The following LRRK1 variants were observed in gnomAD, a reference collection of about 807,000 sequenced individuals.
The protein encoded by LRRK1 is leucine-rich repeat serine/threonine-protein kinase 1.
In LRRK1, 113 loss-of-function variants were observed where a neutral mutation model predicts 209.1. That is an observed-to-expected ratio of 0.54 (90% confidence interval 0.46 to 0.63). The LOEUF is 0.63. Ranked by LOEUF, LRRK1 falls within the 30% of genes least tolerant of loss-of-function variation. The pLI is 0.00. For missense variants in LRRK1, 2,284 were observed against 2,632.2 expected, an observed-to-expected ratio of 0.87 and a Z score of 2.89; for synonymous variants, 1,144 against 1,099.7, an observed-to-expected ratio of 1.04 and a Z score of -0.80.
At chr15:101,028,658 G>C (rs1157344168) in intron 19 of LRRK1, among the ~76,000 whole-genome samples, 1 of 152,252 alleles carries the variant, frequency 6.6e-6, no homozygotes, top group Non-Finnish European at 1.5e-5. Flanking sequence ...CTGATTTGGA[G>C]GTTGCAGATC....
intron 10 of LRRK1, among the ~76,000 whole-genome samples, chr15:101,012,751 C>T (rs552558425): frequency 2.0e-5 from 3 of 152,354 alleles, no homozygotes; most frequent in South Asian, 4.1e-4. Context: ...GCGGCGACCC[C>T]CACAAGGCAG....
chr15:101,059,399 G>GA (rs1380787615), intron 29 of LRRK1, among the ~76,000 whole-genome samples: 2 of 150,906 alleles, frequency 1.3e-5, no homozygotes, highest in Non-Finnish European at 3.0e-5. Flanking sequence ...CCCTGCCTCA[G>GA]AAAAAAAGAG....
At chr15:100,986,913 T>A (rs1055914589) in intron 4 of LRRK1, among the ~76,000 whole-genome samples, 3 of 152,212 alleles carry the variant, frequency 2.0e-5, no homozygotes, top group Admixed American at 2.0e-4. Context: ...TCTCCTACAT[T>A]TCCAAACCTC....
chr15:100,920,869 C>A (rs946592988), intron 1 of LRRK1, among the ~76,000 whole-genome samples: 2 of 152,152 alleles, frequency 1.3e-5, no homozygotes, highest in African/African-American at 4.8e-5. Context: ...CTCCTCACAC[C>A]CCCAGCTGAT....
chr15:101,068,697 C>A lies in LRRK1; in HGVS notation c.5897C>A (p.Ala1966Glu). The change falls in exon 34 of 34, where the codon GCA (alanine) becomes GAA (glutamate). Residue 1966 changes from alanine (A) to glutamate (E), a missense_variant. Coordinates refer to ENST00000388948, the MANE Select transcript of LRRK1 (RefSeq NM_024652.6). The part of the protein sequence containing the change: ...HGVLVDAAVV[A>E]KDTVVCTFEN... ...GTGCTGGTGGATGCTGCCGTGGTGG[C>A]AAAGGACACTGTTGTGTGCACCTTT... 1 of 1,606,196 alleles carries A rather than the reference C, an allele frequency of 6.2e-7. No homozygotes were observed. Among genetic ancestry groups the A allele is most frequent in the Non-Finnish European group, 8.5e-7 (1 of 1,175,338 alleles).
At chr15:100,933,242 C>CCTTTCAGAAG (rs2042241645) in intron 2 of LRRK1, among the ~76,000 whole-genome samples, 1 of 152,132 alleles carries the variant, frequency 6.6e-6, no homozygotes, top group South Asian at 2.1e-4. Flanking sequence ...CCTGGTTTTC[C>CCTTTCAGAAG]CTTTCAGAAG....
In LRRK1 at chr15:100,943,829, C is replaced by A. The variant is rs2042489008; in HGVS notation, c.97+19100C>A. On this transcript the variant is annotated intron_variant, in intron 2 of 33. Transcript: ENST00000388948. ...AGCAGCTGGGATTACAGGCGCCCACCAGTATGCCCAGCTAATTTTTGTATT... is the reference window on the plus strand; with the variant it reads ...AGCAGCTGGGATTACAGGCGCCCACAAGTATGCCCAGCTAATTTTTGTATT... Among the ~76,000 whole-genome samples, 5 of 151,996 alleles carry A rather than the reference C, an allele frequency of 3.3e-5. No individual in the cohort carries two copies. In the South Asian group the frequency reaches 1.0e-3, roughly 32 times the overall value.
intron 20 of LRRK1, among the ~76,000 whole-genome samples, chr15:101,036,398 T>G (rs2034494692): frequency 6.6e-6 from 1 of 152,224 alleles, no homozygotes; most frequent in African/African-American, 2.4e-5. Flanking sequence ...AGCTTTTGAA[T>G]GTATTTTATA....
intron 2 of LRRK1, among the ~76,000 whole-genome samples, chr15:100,929,212 A>G (rs73480694): frequency 0.063 from 9,576 of 152,204 alleles, 878 homozygotes; most frequent in African/African-American, 0.2. Context: ...AATACTTGGG[A>G]AGACTTCTGG....
In LRRK1 at chr15:101,077,208, CT is replaced by C. The variant is rs2037017153; in HGVS notation, c.*8365del. On this transcript the variant is annotated 3_prime_UTR_variant, in exon 34 of 34. Transcript: ENST00000388948. ...CATTTGAGCTCCTGTATAGACGCTC[CT>C]TTTTATTAGGCCCCAGTCTCATTCC... The C allele has an allele frequency of 2.0e-5, 3 of 152,246 alleles. No individual in the cohort carries two copies. The highest frequency in any genetic ancestry group is 2.0e-4 in the Admixed American group (3 of 15,294). 9.4% of individuals were successfully genotyped at this position (152,246 alleles called of 1,614,324 possible).
chr15:101,000,160 C>T (rs1281454256), intron 6 of LRRK1, among the ~76,000 whole-genome samples: 2 of 152,184 alleles, frequency 1.3e-5, no homozygotes, highest in Non-Finnish European at 2.9e-5. Flanking sequence ...TTCCCTACTC[C>T]CTGTGGTGGT....
Position 101,022,379 on chromosome 15 carries a change from A to G in LRRK1, c.1853-4A>G. ...CTACCCTTCCCCTTAATGATTTTGC[A>G]CAGGCCCCAAAGCAATGCTGTCTTA... is the stretch of plus-strand genomic sequence containing the variant. On this transcript the variant is annotated splice_region_variant and splice_polypyrimidine_tract_variant and intron_variant, in intron 14 of 33. Coordinates refer to ENST00000388948, the MANE Select transcript of LRRK1 (RefSeq NM_024652.6). The surrounding 1 kb of genome is among the most constrained non-coding windows in gnomAD (Gnocchi z 4.0). 6.2e-7 allele frequency: 1 copy of G among 1,613,916 alleles called. No homozygotes were observed. The highest frequency in any genetic ancestry group is 8.5e-7 in the Non-Finnish European group (1 of 1,179,770).
intron 6 of LRRK1, among the ~76,000 whole-genome samples, chr15:100,992,746 G>A (rs768410271): frequency 2.6e-5 from 4 of 152,118 alleles, no homozygotes; most frequent in Non-Finnish European, 4.4e-5. Context: ...TCAGCTCACT[G>A]TAACCTCCAC....
Position 101,027,903 on chromosome 15 carries a change from C to T in LRRK1, c.2686+106C>T. The T allele has an allele frequency of 9.5e-7, 1 of 1,057,714 alleles. No individual in the cohort carries two copies. The highest frequency in any genetic ancestry group is 1.3e-6 in the Non-Finnish European group (1 of 742,704). 65.5% of individuals were successfully genotyped at this position (1,057,714 alleles called of 1,614,324 possible). A position where few individuals can be genotyped will look rare whatever the true frequency, so the allele number is the denominator to read the frequency against. ...TAATGAATGAGAGACCGACACCCAGCCTGCGTTTCTGCCTTCCATCCCCCT... is the reference window on the plus strand; with the variant it reads ...TAATGAATGAGAGACCGACACCCAGTCTGCGTTTCTGCCTTCCATCCCCCT... On this transcript the variant is annotated intron_variant, in intron 19 of 33. Transcript: ENST00000388948. This position sits in a 1 kb window ranked among gnomAD's most constrained non-coding sequence, Gnocchi z 5.1.
chr15:101,016,850 G>T (rs1213559938), intron 12 of LRRK1, among the ~76,000 whole-genome samples: 2 of 152,248 alleles, frequency 1.3e-5, no homozygotes, highest in Admixed American at 6.5e-5. Context: ...TGAGGCCAAG[G>T]TTGCACAGGG....
chr15:100,975,730 G>A (rs2031256319), intron 3 of LRRK1, among the ~76,000 whole-genome samples: 1 of 152,158 alleles, frequency 6.6e-6, no homozygotes, highest in African/African-American at 2.4e-5. Context: ...CATTGACAAA[G>A]AGCTTTTACA....
At chr15:100,941,325 T>C in intron 2 of LRRK1, among the ~76,000 whole-genome samples, 9 of 151,724 alleles carry the variant, frequency 5.9e-5, no homozygotes, top group Non-Finnish European at 7.4e-5. Flanking sequence ...TGTGTGTGTG[T>C]GTCTGTGTCT....
At chr15:100,927,280 A>T (rs912827109) in intron 2 of LRRK1, among the ~76,000 whole-genome samples, 1 of 152,160 alleles carries the variant, frequency 6.6e-6, no homozygotes, top group Admixed American at 6.5e-5. Context: ...CAGGACAGAT[A>T]ACCAGAAAAT....
At chr15:101,043,141 C>T (rs761005675) in intron 20 of LRRK1, among the ~76,000 whole-genome samples, 6 of 152,258 alleles carry the variant, frequency 3.9e-5, no homozygotes, top group Admixed American at 1.3e-4. Context: ...CCAGAGAACA[C>T]GTCGCCACTC....
Sources: gnomAD v4.1 joint callset for allele counts (sites outside exome capture counted in the v4.1 genomes callset) on GRCh38, gnomAD v4.1.1 for gene constraint, Gnocchi (gnomAD v3.1) non-coding constraint, MANE v1.5 for transcripts, NCBI Gene and HGNC (gene_info 2026-07-23, HGNC 2026-07-21) for gene names.